SND1: variants seen among roughly 807,000 people sequenced by gnomAD.
The protein encoded by SND1 is staphylococcal nuclease domain-containing protein 1.
A neutral mutation model predicts 121.7 loss-of-function variants in SND1; 38 were observed. The ratio of observed to expected loss-of-function variants is 0.31; its 90% CI spans 0.24 to 0.41. The LOEUF is 0.41. Among genes scored for constraint, SND1 ranks in the 10% least tolerant of loss-of-function variants. The pLI is 1.00. For missense variants in SND1, 868 were observed against 1,184.6 expected (o/e 0.73, Z 3.92); for synonymous variants, 401 against 447.4 (o/e 0.90, Z 1.31).
At chr7:128,045,998 C>T (rs1030764768) in intron 16 of SND1, among the ~76,000 whole-genome samples, 1 of 152,232 alleles carries the variant, frequency 6.6e-6, no homozygotes, top group African/African-American at 2.4e-5. Flanking sequence ...GACACATCCA[C>T]TCCTAAACCA....
intron 11 of SND1, among the ~76,000 whole-genome samples, chr7:127,812,722 A>G (rs891598615): frequency 1.3e-5 from 2 of 152,162 alleles, no homozygotes; most frequent in Non-Finnish European, 2.9e-5. Context: ...GAGCTCTTCA[A>G]GGGCACACAG....
rs1476561368 is a variant in SND1 at position 127,694,936 on chromosome 7, T to C, written c.337T>C (p.Tyr113His). ...CCAGGGGCGAGAGTATGGCATGATC[T>C]ACCTTGGAAAAGGTGAGCTGCAGGG... ...TPQGREYGMI[Y>H]LGKDTNGENI... The change falls in exon 3 of 24, where the codon TAC becomes CAC. Residue 113 changes from tyrosine (Y) to histidine (H), a missense_variant. Coordinates refer to ENST00000354725, the MANE Select transcript of SND1 (RefSeq NM_014390.4). 2.5e-6 allele frequency: 4 copies of C among 1,612,910 alleles called. No homozygotes were observed. Among genetic ancestry groups the C allele is most frequent in the Non-Finnish European group, 8.5e-7 (1 of 1,179,308 alleles).
chr7:127,763,804 G>A (rs932889898), intron 10 of SND1, among the ~76,000 whole-genome samples: 5 of 151,968 alleles, frequency 3.3e-5, no homozygotes, highest in African/African-American at 9.7e-5. Flanking sequence ...CTAGAAAAGC[G>A]TAGGGCCAGG....
chr7:127,973,728 A>G lies in SND1; in HGVS notation c.1670-17219A>G, dbSNP rs1020921961. Among the ~76,000 whole-genome samples, 55 of 152,152 alleles carry G rather than the reference A, an allele frequency of 3.6e-4. 1 individual carries two copies. The highest frequency in any genetic ancestry group is 1.3e-4 in the Admixed American group (2 of 15,284). ...TCTATGTGTGTGCCTATCTTCCACA[A>G]TGACCTGTGTGGATTCTTGAAGGAG... On this transcript the variant is annotated intron_variant, in intron 15 of 23. Transcript: ENST00000354725.
At chr7:127,814,546 A>AT (rs1435101637) in intron 11 of SND1, among the ~76,000 whole-genome samples, 8 of 151,724 alleles carry the variant, frequency 5.3e-5, no homozygotes, top group Non-Finnish European at 8.8e-5. Context: ...TTTTTTCAGT[A>AT]TTTTTTTCTC....
intron 10 of SND1, among the ~76,000 whole-genome samples, chr7:127,725,132 C>T (rs1230427114): frequency 6.6e-6 from 1 of 152,126 alleles, no homozygotes. Flanking sequence ...GAAACATCAC[C>T]TGGGCATCCT....
rs202087140 is a variant in SND1 at position 127,721,318 on chromosome 7, T to C, written c.1070T>C (p.Val357Ala). 101 of 1,613,720 alleles carry C rather than the reference T, an allele frequency of 6.3e-5. No homozygotes were observed. The highest frequency in any genetic ancestry group is 1.7e-4 in the Admixed American group (10 of 59,996). The change falls in exon 10 of 24, where the codon GTT becomes GCT. Residue 357 changes from valine to alanine, a missense_variant. Physicochemically the swap from Val to Ala is moderately conservative, Grantham distance 64. Coordinates refer to ENST00000354725, the MANE Select transcript of SND1 (RefSeq NM_014390.4). ...VMQVLNADAI[V>A]VKLNSGDYKT... Reference sequence around the variant, plus strand: ...CAGGTTCTGAATGCTGATGCCATTGTTGTGAAGCTGAACTCAGGCGATTAC... The same window carrying C: ...CAGGTTCTGAATGCTGATGCCATTGCTGTGAAGCTGAACTCAGGCGATTAC...
At chr7:127,694,646 A>T in intron 2 of SND1, 182 bp from the exon 3 acceptor site, 1 of 611,562 alleles carries the variant, frequency 1.6e-6, no homozygotes, top group Non-Finnish European at 2.7e-6. Context: ...TCCTTTTTTT[A>T]TGAGCCCCCT....
At chr7:127,857,853 G>A (rs1056272419) in intron 12 of SND1, 89 of 1,209,490 alleles carry the variant, frequency 7.4e-5, no homozygotes, top group Middle Eastern at 4.7e-4. Context: ...AGTCTCAGGT[G>A]TAGAGGTCAA....
At chr7:127,892,872 T>TAGA (rs1163510324) in intron 13 of SND1, among the ~76,000 whole-genome samples, 1 of 151,820 alleles carries the variant, frequency 6.6e-6, no homozygotes, top group Non-Finnish European at 1.5e-5. Context: ...TCTCCCTTTT[T>TAGA]AGAAGCATCA....
intron 16 of SND1, among the ~76,000 whole-genome samples, chr7:127,993,944 G>A (rs984523470): frequency 1.3e-5 from 2 of 152,270 alleles, no homozygotes; most frequent in Admixed American, 6.6e-5. Flanking sequence ...GCTGTGTAAC[G>A]GTGACTGCCT....
chr7:127,854,105 G>C (rs1833146), intron 12 of SND1, among the ~76,000 whole-genome samples: 8,283 of 152,090 alleles, frequency 0.054, 659 homozygotes, highest in African/African-American at 0.17. Flanking sequence ...AGCATCATTA[G>C]GGCTTTGTTC....
At chr7:127,773,321 G>A (rs535866429) in intron 10 of SND1, among the ~76,000 whole-genome samples, 8 of 152,114 alleles carry the variant, frequency 5.3e-5, no homozygotes, top group East Asian at 3.9e-4. Context: ...GTGTGGTGGC[G>A]CACGCCTGTA....
rs1003774576 is a variant in SND1 at position 128,029,231 on chromosome 7, C to T, written c.1779+38175C>T. 1.9e-6 allele frequency: 3 copies of T among 1,614,034 alleles called. No homozygotes were observed. ...TGGTAGGAACAGGCTTGTACTTTCG[C>T]GTTGTGTCCTCAGGCGAGATCTCCG... On this transcript the variant is annotated intron_variant, in intron 16 of 23. Transcript: ENST00000354725. This position sits in a 1 kb window ranked among gnomAD's most constrained non-coding sequence, Gnocchi z 4.2.
intron 11 of SND1, among the ~76,000 whole-genome samples, chr7:127,815,682 T>A (rs563378944): frequency 2.0e-5 from 3 of 152,258 alleles, no homozygotes; most frequent in Non-Finnish European, 4.4e-5. Context: ...GATACCTCCC[T>A]GGGGCCTTTA....
chr7:128,030,763 G>T, intron 16 of SND1: 1 of 1,262,708 alleles, frequency 7.9e-7, no homozygotes, highest in Non-Finnish European at 1.1e-6. Flanking sequence ...GTGGGGAGGG[G>T]GCGATTAGAG....
intron 16 of SND1, among the ~76,000 whole-genome samples, chr7:128,053,840 C>G (rs1793089720): frequency 6.6e-6 from 1 of 152,186 alleles, no homozygotes; most frequent in Non-Finnish European, 1.5e-5. Context: ...CTGCTTGGGC[C>G]TCCACTCTCC....
intron 15 of SND1, among the ~76,000 whole-genome samples, chr7:127,967,298 A>G (rs926738202): frequency 1.4e-4 from 22 of 152,206 alleles, no homozygotes; most frequent in African/African-American, 5.1e-4. Context: ...TCCAGAGAGA[A>G]AACTCTCATG....
intron 16 of SND1, among the ~76,000 whole-genome samples, chr7:128,065,990 T>C (rs1447351857): frequency 6.6e-6 from 1 of 152,214 alleles, no homozygotes; most frequent in Non-Finnish European, 1.5e-5. Flanking sequence ...CACGGGTTTT[T>C]CCTGGGAAGA....
Sources: allele counts gnomAD v4.1 joint callset (sites outside exome capture counted in the v4.1 genomes callset), GRCh38; gene constraint gnomAD v4.1.1; non-coding constraint Gnocchi (gnomAD v3.1); transcripts MANE v1.5; gene names NCBI Gene and HGNC (gene_info 2026-07-23, HGNC 2026-07-21).